Variants in CAST observed in about 807,000 individuals in gnomAD.
CAST encodes MIR583 host.
Under a neutral mutation model 119.6 loss-of-function variants are expected in CAST, and 76 were observed. That is an observed-to-expected ratio of 0.64 (90% CI 0.53 to 0.77). CAST has a LOEUF of 0.77. Among genes scored for constraint, CAST ranks in the 30% least tolerant of loss-of-function variants. CAST has a pLI of 0.00. For missense variants in CAST, 953 were observed against 946.5 expected (o/e 1.01, Z -0.09); for synonymous variants, 319 against 331.6 (o/e 0.96, Z 0.41).
intron 3 of CAST, among the ~76,000 whole-genome samples, chr5:96,698,418 A>T (rs560305029): frequency 5.3e-5 from 8 of 152,290 alleles, no homozygotes; most frequent in African/African-American, 1.7e-4. Context: ...TCCCATTTCC[A>T]TTCTTATGTC....
At chr5:96,271,845 T>C in the CAST span, among the ~76,000 whole-genome samples, 1 of 151,968 alleles carries the variant, frequency 6.6e-6, no homozygotes, top group African/African-American at 2.4e-5. Context: ...GAGAAAATAT[T>C]TGCAAACTAC....
At chr5:96,477,063 AAAACACACACAC>A in the CAST span, among the ~76,000 whole-genome samples, 2 of 128,652 alleles carry the variant, frequency 1.6e-5, no homozygotes, top group African/African-American at 6.2e-5. Flanking sequence ...TCAATGTGCC[AAAACACACACAC>A]ACACACACAC....
the CAST span, among the ~76,000 whole-genome samples, chr5:96,117,826 G>T: frequency 6.6e-6 from 1 of 152,174 alleles, no homozygotes; most frequent in Non-Finnish European, 1.5e-5. Context: ...GTTTGAAAAA[G>T]GGAAGAACCA....
At chr5:96,438,051 C>A in the CAST span, among the ~76,000 whole-genome samples, 1 of 152,116 alleles carries the variant, frequency 6.6e-6, no homozygotes, top group African/African-American at 2.4e-5. Context: ...TCTTGCCTAA[C>A]TTTTTTCTGC....
intron 3 of CAST, among the ~76,000 whole-genome samples, chr5:96,696,997 C>T (rs1753375491): frequency 1.3e-5 from 2 of 151,964 alleles, no homozygotes; most frequent in Admixed American, 6.6e-5. Context: ...CCCATCTCTA[C>T]TAAAAATACA....
At chr5:96,450,847 A>T in the CAST span, among the ~76,000 whole-genome samples, 1 of 152,220 alleles carries the variant, frequency 6.6e-6, no homozygotes, top group Non-Finnish European at 1.5e-5. Flanking sequence ...CCTCTGTGCC[A>T]GACATTTAGG....
At chr5:96,464,926 G>C in the CAST span, among the ~76,000 whole-genome samples, 2 of 151,996 alleles carry the variant, frequency 1.3e-5, no homozygotes, top group Non-Finnish European at 2.9e-5. Context: ...CTTAGGCACA[G>C]ATTTTCAAGT....
the CAST span, among the ~76,000 whole-genome samples, chr5:96,231,202 C>T: frequency 1.6e-3 from 247 of 152,158 alleles, no homozygotes; most frequent in Admixed American, 3.6e-3. Flanking sequence ...AAATATAATT[C>T]ATGATATCCA....
chr5:96,663,723 G>A (rs1439360925), intron 1 of CAST, among the ~76,000 whole-genome samples: 1 of 152,120 alleles, frequency 6.6e-6, no homozygotes, highest in Non-Finnish European at 1.5e-5. Context: ...GAGGGGTGGA[G>A]GAAAGAAAGC....
the CAST span, among the ~76,000 whole-genome samples, chr5:96,316,716 A>G: frequency 6.6e-6 from 1 of 152,230 alleles, no homozygotes; most frequent in Non-Finnish European, 1.5e-5. Flanking sequence ...AAGGATAATG[A>G]TGCAAGAAGA....
chr5:96,154,287 CAACAAAAAAAA>C, the CAST span, among the ~76,000 whole-genome samples: 472 of 144,962 alleles, frequency 3.3e-3, 1 homozygote, highest in Non-Finnish European at 3.9e-3. Context: ...CAAAAAACAA[CAACAAAAAAAA>C]AACAAAAAAA....
At chr5:95,966,731 A>T in the CAST span, among the ~76,000 whole-genome samples, 1 of 152,154 alleles carries the variant, frequency 6.6e-6, no homozygotes, top group African/African-American at 2.4e-5. Flanking sequence ...GCTTCCTAAG[A>T]TGGAGATACT....
At chr5:96,381,931 C>T in the CAST span, among the ~76,000 whole-genome samples, 1 of 152,156 alleles carries the variant, frequency 6.6e-6, no homozygotes, top group Non-Finnish European at 1.5e-5. Context: ...AGTTATATGG[C>T]ATTCTTATGA....
At chr5:96,361,989 A>G in the CAST span, among the ~76,000 whole-genome samples, 1 of 150,076 alleles carries the variant, frequency 6.7e-6, no homozygotes, top group African/African-American at 2.5e-5. Context: ...CCCCTTCCCC[A>G]CACCCCACGA....
At chr5:96,690,843 C>A (rs1198136698) in intron 2 of CAST, among the ~76,000 whole-genome samples, 1 of 152,158 alleles carries the variant, frequency 6.6e-6, no homozygotes, top group African/African-American at 2.4e-5. Context: ...TGTAGAAACA[C>A]AAGACTTCTT....
chr5:96,254,877 C>A, the CAST span, among the ~76,000 whole-genome samples: 1 of 152,054 alleles, frequency 6.6e-6, no homozygotes, highest in African/African-American at 2.4e-5. Flanking sequence ...GTATCCAGAG[C>A]TGGAATTTTA....
chr5:96,683,616 C>T (rs897048418), intron 2 of CAST, among the ~76,000 whole-genome samples: 13 of 152,124 alleles, frequency 8.5e-5, no homozygotes, highest in African/African-American at 2.9e-4. Flanking sequence ...ATTTGCATCA[C>T]CTCTTTTGTG....
the CAST span, among the ~76,000 whole-genome samples, chr5:96,341,991 A>G: frequency 6.6e-6 from 1 of 152,194 alleles, no homozygotes; most frequent in Admixed American, 6.5e-5. Context: ...CAAATCCCCT[A>G]AGTTTAACAA....
the CAST span, among the ~76,000 whole-genome samples, chr5:95,968,988 T>C: frequency 8.5e-5 from 13 of 152,144 alleles, no homozygotes; most frequent in Admixed American, 8.5e-4. Context: ...GCTCAGGGTG[T>C]TGGGAAAAGC....
Sources: gnomAD v4.1 joint callset for allele counts (sites outside exome capture counted in the v4.1 genomes callset) on GRCh38, gnomAD v4.1.1 for gene constraint, MANE v1.5 for transcripts, NCBI Gene and HGNC (gene_info 2026-07-23, HGNC 2026-07-21) for gene names.